The following RAB31 variants were observed in gnomAD, a reference collection of about 807,000 sequenced individuals.
RAB31 encodes ras-related protein Rab-31.
Under a neutral mutation model 25.6 loss-of-function variants are expected in RAB31, and 21 were observed. That is an observed-to-expected ratio of 0.82 (90% confidence interval 0.58 to 1.18). The LOEUF (loss-of-function observed/expected upper bound fraction) is 1.18. Among genes scored for constraint, RAB31 ranks in the 50% most tolerant of loss-of-function variants. RAB31 has a pLI of 0.00. For missense variants in RAB31, 196 were observed against 250.1 expected (o/e 0.78, Z 1.46); for synonymous variants, 87 against 84.0 (o/e 1.04, Z -0.20).
At chr18:9,712,871 C>G (rs1382367982) in intron 1 of RAB31, among the ~76,000 whole-genome samples, 3 of 152,144 alleles carry the variant, frequency 2.0e-5, no homozygotes, top group Admixed American at 1.3e-4. Context: ...TTAAAAGAGC[C>G]GATGGCTTCC....
chr18:9,753,311 G>T (rs373630241), intron 1 of RAB31, among the ~76,000 whole-genome samples: 3 of 151,440 alleles, frequency 2.0e-5, no homozygotes, highest in East Asian at 3.9e-4. Context: ...TCCATGACAG[G>T]AGTGGTATTA....
Position 9,855,841 on chromosome 18 carries a change from C to G in RAB31, c.491-3387C>G, listed in dbSNP as rs187384209. Among the ~76,000 whole-genome samples, 446 of 152,234 alleles carry G rather than the reference C, an allele frequency of 2.9e-3. 1 individual carries two copies. Among genetic ancestry groups the G allele is most frequent in the African/African-American group, 9.8e-3 (409 of 41,530 alleles). On this transcript the variant is annotated intron_variant, in intron 6 of 6. Transcript: ENST00000578921. ...ACTGAACCCTGAGAATTGACCGTGACCATGAATCACACAGCATTTCTCCCC... is the reference window on the plus strand; with the variant it reads ...ACTGAACCCTGAGAATTGACCGTGAGCATGAATCACACAGCATTTCTCCCC...
chr18:9,743,867 C>T (rs1041214853), intron 1 of RAB31, among the ~76,000 whole-genome samples: 3 of 152,190 alleles, frequency 2.0e-5, no homozygotes, highest in African/African-American at 4.8e-5. Flanking sequence ...CTCCCGGGTG[C>T]GGTCTGTGCC....
intron 1 of RAB31, among the ~76,000 whole-genome samples, chr18:9,747,193 A>T (rs1309685679): frequency 3.3e-5 from 5 of 152,262 alleles, no homozygotes; most frequent in African/African-American, 1.2e-4. Context: ...GTAAATGCAG[A>T]TTAAAACCAC....
intron 5 of RAB31, chr18:9,816,122 G>C (rs1052302100): frequency 1.4e-5 from 2 of 140,620 alleles, no homozygotes; most frequent in Non-Finnish European, 2.9e-5. Context: ...AGTGTCATCC[G>C]TGTAGATGCT....
intron 1 of RAB31, among the ~76,000 whole-genome samples, chr18:9,767,013 A>T (rs981764726): frequency 1.3e-5 from 2 of 152,186 alleles, no homozygotes; most frequent in African/African-American, 4.8e-5. Context: ...TGTAAGCCTT[A>T]AAGTCTAAAC....
chr18:9,794,064 T>A (rs191148856), intron 3 of RAB31, among the ~76,000 whole-genome samples: 109 of 152,284 alleles, frequency 7.2e-4, no homozygotes, highest in African/African-American at 2.5e-3. Flanking sequence ...GGGTAATTTT[T>A]AAATTTTTTT....
chr18:9,792,074 T>C lies in RAB31; in HGVS notation c.120-80T>C, dbSNP rs1051446670. ...GGCTTTTTGGGGTCCTGCTGAGGTG[T>C]AGCATTTAACTTGTTTGATTTGTGA... On this transcript the variant is annotated intron_variant, in intron 2 of 6. Transcript: ENST00000578921. 7.2e-6 allele frequency: 11 copies of C among 1,524,886 alleles called. No individual in the cohort carries two copies. In the Admixed American group the frequency reaches 1.2e-4, roughly 17 times the overall value. The allele number at this position is 1,524,886 out of a possible 1,614,324, so 94.5% of individuals were successfully genotyped here. A position where few individuals can be genotyped will look rare whatever the true frequency, so the allele number is the denominator to read the frequency against.
chr18:9,781,226 C>G (rs2068402593), intron 2 of RAB31, among the ~76,000 whole-genome samples: 1 of 152,082 alleles, frequency 6.6e-6, no homozygotes, highest in African/African-American at 2.4e-5. Flanking sequence ...TTCTTTTCCT[C>G]TAACTTCAAA....
chr18:9,786,979 G>C (rs569186388), intron 2 of RAB31: 11 of 156,810 alleles, frequency 7.0e-5, no homozygotes, highest in Middle Eastern at 2.2e-3. Flanking sequence ...AAATCTCACT[G>C]TTAGAAGAGA....
At position 9,845,679 on chromosome 18, in the gene RAB31, T is replaced by C. The variant is rs1199665025; in HGVS notation, c.478T>C (p.Phe160Leu). The change falls in exon 6 of 7, where the codon TTT becomes CTT. Residue 160 changes from phenylalanine (F) to leucine (L), a missense_variant. By Grantham distance (22) the Phe-to-Leu change is conservative. Coordinates refer to ENST00000578921, the MANE Select transcript of RAB31 (RefSeq NM_006868.4). ...AKNAINIEEL[F>L]QGISRQIPPL... is the part of the protein sequence containing the mutation. ...AAATGCTATTAATATCGAAGAGCTCTTTCAAGGAATCAGTAAGTACCTGAA... is the reference window on the plus strand; with the variant it reads ...AAATGCTATTAATATCGAAGAGCTCCTTCAAGGAATCAGTAAGTACCTGAA... 1 of 1,553,682 alleles carries C rather than the reference T, an allele frequency of 6.4e-7. No individual in the cohort carries two copies. Among genetic ancestry groups the C allele is most frequent in the Non-Finnish European group, 8.7e-7 (1 of 1,149,352 alleles).
chr18:9,742,466 A>G (rs1357749907), intron 1 of RAB31, among the ~76,000 whole-genome samples: 1 of 152,136 alleles, frequency 6.6e-6, no homozygotes, highest in Non-Finnish European at 1.5e-5. Context: ...CGCCAGCCTG[A>G]GTGTGGGGGC....
At chr18:9,845,153 C>T (rs188667215) in intron 5 of RAB31, among the ~76,000 whole-genome samples, 88 of 152,258 alleles carry the variant, frequency 5.8e-4, no homozygotes, top group African/African-American at 2.0e-3. Context: ...CATATTTTCT[C>T]TGATTTGTGA....
intron 6 of RAB31, among the ~76,000 whole-genome samples, chr18:9,849,131 A>T (rs944453211): frequency 3.3e-5 from 5 of 150,896 alleles, no homozygotes; most frequent in Non-Finnish European, 3.0e-5. Context: ...GGGTTTGTTT[A>T]TTTTTTTTTC....
intron 1 of RAB31, chr18:9,735,622 A>G (rs4798837): frequency 0.94 from 150,048 of 160,202 alleles, 70,373 homozygotes; most frequent in African/African-American, 0.96. Flanking sequence ...AAAGAGGAAG[A>G]TTTCTACAAA....
At chr18:9,856,575 A>G (rs2068817184) in intron 6 of RAB31, among the ~76,000 whole-genome samples, 1 of 152,256 alleles carries the variant, frequency 6.6e-6, no homozygotes, top group Non-Finnish European at 1.5e-5. Context: ...TAGGATTAGC[A>G]TAAGGACAGC....
chr18:9,854,520 C>T (rs1393536619), intron 6 of RAB31, among the ~76,000 whole-genome samples: 6 of 152,194 alleles, frequency 3.9e-5, no homozygotes, highest in Admixed American at 3.9e-4. Flanking sequence ...CCGTGGCACA[C>T]TTAAGGCTCA....
chr18:9,799,166 C>T (rs1168976300), intron 3 of RAB31, among the ~76,000 whole-genome samples: 2 of 152,212 alleles, frequency 1.3e-5, no homozygotes, highest in African/African-American at 4.8e-5. Context: ...ATCCATTTCA[C>T]TTGGCTTCCC....
intron 2 of RAB31, among the ~76,000 whole-genome samples, chr18:9,782,234 C>T (rs566781362): frequency 6.6e-6 from 1 of 152,362 alleles, no homozygotes; most frequent in South Asian, 2.1e-4. Flanking sequence ...CTGGCCCTGG[C>T]ACTGCCTTCT....
Sources: allele counts gnomAD v4.1 joint callset (sites outside exome capture counted in the v4.1 genomes callset), GRCh38; gene constraint gnomAD v4.1.1; transcripts MANE v1.5; gene names NCBI Gene and HGNC (gene_info 2026-07-23, HGNC 2026-07-21).